The following LRRFIP1 variants were observed in gnomAD, a reference collection of about 807,000 sequenced individuals.
The protein encoded by LRRFIP1 is LRR binding FLII interacting protein 1, also known as leucine-rich repeat flightless-interacting protein 1.
A neutral mutation model predicts 104.4 loss-of-function variants in LRRFIP1; 62 were observed. That is an observed-to-expected ratio of 0.59 (90% CI 0.48 to 0.73). LRRFIP1 has a LOEUF of 0.73. Among genes scored for constraint, LRRFIP1 ranks in the 30% least tolerant of loss-of-function variants. The pLI, the probability that LRRFIP1 is intolerant of heterozygous loss-of-function variation, is 0.00. For synonymous variants in LRRFIP1, 300 were observed against 299.0 expected (o/e 1.00, Z -0.03); for missense variants, 796 against 824.5 (o/e 0.97, Z 0.42).
intron 9 of LRRFIP1, 140 bp downstream of exon 9, chr2:237,733,958 A>G (rs2095134104): frequency 2.3e-6 from 2 of 852,048 alleles, no homozygotes; most frequent in Non-Finnish European, 3.8e-6. Flanking sequence ...TACATGTGCC[A>G]GTGGGGAATG....
At chr2:237,684,680 T>TA (rs1372583924) in intron 1 of LRRFIP1, among the ~76,000 whole-genome samples, 1 of 152,094 alleles carries the variant, frequency 6.6e-6, no homozygotes, top group Non-Finnish European at 1.5e-5. Flanking sequence ...AGAGCTGCCT[T>TA]AGGAGGACTT....
At chr2:237,666,133 C>T (rs565227981) in intron 1 of LRRFIP1, among the ~76,000 whole-genome samples, 52 of 152,314 alleles carry the variant, frequency 3.4e-4, no homozygotes, top group African/African-American at 8.7e-4. Flanking sequence ...GGGTCTAATA[C>T]GTGGGCTTGT....
chr2:237,779,569 A>G lies in LRRFIP1; in HGVS notation c.*37A>G, dbSNP rs754419268. 4 of 1,537,690 alleles carry G rather than the reference A, an allele frequency of 2.6e-6. No homozygotes were observed. In the South Asian group the frequency reaches 4.5e-5, roughly 17 times the overall value. ...GATCAGGCAACTGGTTGGTGACTGG[A>G]GAGCATTGTTTCATAGGCTTTTCTC... On this transcript the variant is annotated 3_prime_UTR_variant, in exon 24 of 24. Transcript: ENST00000308482.
In LRRFIP1 at chr2:237,781,484, T is replaced by C. The variant is rs1231445308; in HGVS notation, c.*1952T>C. On this transcript the variant is annotated 3_prime_UTR_variant, in exon 24 of 24. Coordinates refer to ENST00000308482, the MANE Select transcript of LRRFIP1 (RefSeq NM_001137550.2). Reference sequence around the variant, plus strand: ...AGCCCTGAGAAGATGGCGTTTTCCCTATCAGTGGCTCTGAGGAAGTCAAGC... The same window carrying C: ...AGCCCTGAGAAGATGGCGTTTTCCCCATCAGTGGCTCTGAGGAAGTCAAGC... Among the ~76,000 whole-genome samples, 1 of 152,220 alleles carries C rather than the reference T, an allele frequency of 6.6e-6. No individual in the cohort carries two copies. The highest frequency in any genetic ancestry group is 1.5e-5 in the Non-Finnish European group (1 of 68,042).
chr2:237,739,154 C>T, intron 10 of LRRFIP1, 78 bp from the exon 11 acceptor site: 1 of 1,285,892 alleles, frequency 7.8e-7, no homozygotes, highest in Non-Finnish European at 1.1e-6. Context: ...TTTCTGTCGG[C>T]CTCTATTCTC....
At chr2:237,692,965 G>T (rs1214665990) in intron 1 of LRRFIP1, among the ~76,000 whole-genome samples, 2 of 152,174 alleles carry the variant, frequency 1.3e-5, no homozygotes, top group Admixed American at 1.3e-4. Flanking sequence ...CACTCAACCC[G>T]CTCAGCACCT....
At chr2:237,726,871 G>C (rs1295592523) in intron 7 of LRRFIP1, among the ~76,000 whole-genome samples, 5 of 152,188 alleles carry the variant, frequency 3.3e-5, no homozygotes, top group African/African-American at 7.2e-5. Flanking sequence ...GCTGGGAACT[G>C]AGAAGAGAGG....
rs2095195922 is a variant in LRRFIP1, at chr2:237,735,202, C to T, written c.490-66C>T. 21 of 1,390,128 alleles carry T rather than the reference C, an allele frequency of 1.5e-5. No homozygotes were observed. Among genetic ancestry groups the T allele is most frequent in the Non-Finnish European group, 2.1e-5 (21 of 996,374 alleles). The allele number at this position is 1,390,128 out of a possible 1,614,324, so 86.1% of individuals were successfully genotyped here. ...GTCAGTTTTTCACAGCTCACGTTTT[C>T]AGCACTTTCTGGGCACTCTTGGAGA... On this transcript the variant is annotated intron_variant, in intron 9 of 23. Transcript: ENST00000308482. This position sits in a 1 kb window ranked among gnomAD's most constrained non-coding sequence, Gnocchi z 4.6.
At chr2:237,726,773 A>G (rs1178137995) in intron 7 of LRRFIP1, among the ~76,000 whole-genome samples, 2 of 152,042 alleles carry the variant, frequency 1.3e-5, no homozygotes, top group East Asian at 3.9e-4. Flanking sequence ...CTGATGCTTG[A>G]CAGCTCTATT....
At chr2:237,681,840 C>A (rs1356266988) in intron 1 of LRRFIP1, among the ~76,000 whole-genome samples, 1 of 150,096 alleles carries the variant, frequency 6.7e-6, no homozygotes, top group Admixed American at 6.7e-5. Context: ...CCACTACGCC[C>A]GGCTAATTTT....
At chr2:237,692,186 C>A (rs915296808) in intron 1 of LRRFIP1, 2 of 1,040,508 alleles carry the variant, frequency 1.9e-6, no homozygotes, top group East Asian at 8.1e-5. Flanking sequence ...CGGAGGCGCC[C>A]GAGTCCCGCT....
intron 11 of LRRFIP1, among the ~76,000 whole-genome samples, chr2:237,745,433 C>G (rs554066269): frequency 3.7e-4 from 56 of 152,146 alleles, no homozygotes; most frequent in Non-Finnish European, 7.1e-4. Flanking sequence ...TATTTTGAGT[C>G]CGTTGTGTTC....
At chr2:237,652,463 A>G (rs1412535200) in intron 1 of LRRFIP1, among the ~76,000 whole-genome samples, 1 of 152,224 alleles carries the variant, frequency 6.6e-6, no homozygotes, top group African/African-American at 2.4e-5. Context: ...GGTTACAGCA[A>G]CCTTGATGAG....
chr2:237,721,307 G>C (rs558094802), intron 6 of LRRFIP1: 4 of 157,676 alleles, frequency 2.5e-5, no homozygotes, highest in Admixed American at 1.2e-4. Context: ...GACTGGATCC[G>C]TAAGGTCTGC....
At chr2:237,715,895 G>T (rs2094315174) in intron 3 of LRRFIP1, among the ~76,000 whole-genome samples, 1 of 152,174 alleles carries the variant, frequency 6.6e-6, no homozygotes, top group South Asian at 2.1e-4. Context: ...TACTAGGGGC[G>T]TTCTCTCCCC....
chr2:237,694,478 G>T (rs2093030603), intron 1 of LRRFIP1, among the ~76,000 whole-genome samples: 1 of 152,170 alleles, frequency 6.6e-6, no homozygotes. Flanking sequence ...TCATGGGTGG[G>T]GGGTAGGGCG....
intron 19 of LRRFIP1, chr2:237,763,389 G>A (rs773069894): frequency 6.2e-7 from 1 of 1,613,986 alleles, no homozygotes; most frequent in South Asian, 1.1e-5. Flanking sequence ...GACCAACAGG[G>A]AGAGGCATTG....
chr2:237,758,631 T>G (rs890430432), intron 17 of LRRFIP1, 98 bp from the exon 18 acceptor site: 5 of 766,840 alleles, frequency 6.5e-6, no homozygotes, highest in Admixed American at 2.3e-5. Flanking sequence ...TCCACTAGTG[T>G]TTTAGATGGT....
At chr2:237,771,302 CAA>C (rs61685773) in intron 20 of LRRFIP1, among the ~76,000 whole-genome samples, 40,878 of 109,538 alleles carry the variant, frequency 0.37, 6,140 homozygotes, top group East Asian at 0.5. Flanking sequence ...TGAAATATTC[CAA>C]AAAAAAAAAA....
Sources: allele counts gnomAD v4.1 joint callset (sites outside exome capture counted in the v4.1 genomes callset), GRCh38; gene constraint gnomAD v4.1.1; non-coding constraint Gnocchi (gnomAD v3.1); transcripts MANE v1.5; gene names NCBI Gene and HGNC (gene_info 2026-07-23, HGNC 2026-07-21).